ACSM3: variants seen among roughly 807,000 people sequenced by gnomAD.
ACSM3 encodes acyl-CoA synthetase medium chain family member 3, also known as acyl-coenzyme A synthetase ACSM3, mitochondrial.
ACSM3 carries 61 observed loss-of-function variants against 74.1 expected under a neutral mutation model. The observed-to-expected ratio is 0.82, with a 90% confidence interval of 0.67 to 1.02. The LOEUF (loss-of-function observed/expected upper bound fraction) is 1.02, where lower values mean the gene tolerates loss of function less well. Ranked by LOEUF, ACSM3 falls within the 50% of genes least tolerant of loss-of-function variation. ACSM3 has a pLI of 0.00. For synonymous variants in ACSM3, 213 were observed against 241.5 expected (o/e 0.88, Z 1.09); for missense variants, 660 against 697.0 (o/e 0.95, Z 0.60).
chr16:20,769,999 T>G lies in ACSM3; in HGVS notation c.-36T>G, dbSNP rs777877657. ...TGTCTTTTAGATGAACTGGTCTCTG[T>G]GCAAATCCTGAGTGCTAAAGCTTCC... On this transcript the variant is annotated 5_prime_UTR_variant, in exon 2 of 14. Coordinates refer to ENST00000289416, the MANE Select transcript of ACSM3 (RefSeq NM_005622.4). The G allele has an allele frequency of 1.2e-6, 2 of 1,603,872 alleles. No individual in the cohort carries two copies. The highest frequency in any genetic ancestry group is 1.7e-6 in the Non-Finnish European group (2 of 1,170,792).
chr16:20,737,585 A>G (rs1272621985), intron 1 of ACSM3: 4 of 1,005,016 alleles, frequency 4.0e-6, no homozygotes, highest in Non-Finnish European at 5.6e-6. Context: ...TATTTTAAGA[A>G]CATTTTAATA....
chr16:20,734,445 T>C (rs2079852112), intron 1 of ACSM3: 1 of 152,548 alleles, frequency 6.6e-6, no homozygotes, highest in Non-Finnish European at 1.5e-5. Flanking sequence ...CTGCCTATTC[T>C]CTTTGCCCCT....
chr16:20,790,457 A>T lies in ACSM3; in HGVS notation c.1225-130A>T. On this transcript the variant is annotated intron_variant, in intron 9 of 13. Transcript: ENST00000289416. This position sits in a 1 kb window ranked among gnomAD's most constrained non-coding sequence, Gnocchi z 4.0. ...GGGTGACAAAGTGAGACCTTGTCTC[A>T]CACACACAAAATTTTTTTTAAGTCT... The T allele has an allele frequency of 3.6e-6, 3 of 822,010 alleles. No individual in the cohort carries two copies. The highest frequency in any genetic ancestry group is 1.8e-5 in the South Asian group (1 of 56,814). 50.9% of individuals were successfully genotyped at this position (822,010 alleles called of 1,614,324 possible).
At chr16:20,794,729 T>C (rs1339159514) in intron 12 of ACSM3, among the ~76,000 whole-genome samples, 3 of 152,220 alleles carry the variant, frequency 2.0e-5, no homozygotes, top group African/African-American at 7.2e-5. Context: ...ACATCTATGC[T>C]AATTCATTTA....
intron 1 of ACSM3, among the ~76,000 whole-genome samples, chr16:20,678,011 AAAATAAATAAAT>A (rs146714630): frequency 3.5e-5 from 5 of 143,762 alleles, no homozygotes; most frequent in East Asian, 2.1e-4. Flanking sequence ...ACTAAAGGCT[AAAATAAATAAAT>A]AAATAAATAA....
chr16:20,789,691 T>C (rs1211986826), intron 9 of ACSM3: 11 of 623,080 alleles, frequency 1.8e-5, no homozygotes, highest in South Asian at 4.1e-5. Context: ...TTTCTTTTTT[T>C]TTTTTTTTTT....
Position 20,792,393 on chromosome 16 carries a change from C to A in ACSM3, c.1554+58C>A, listed in dbSNP as rs145354182. On this transcript the variant is annotated intron_variant, in intron 12 of 13. Transcript: ENST00000289416. Reference sequence around the variant, plus strand: ...TTGTTGGCAATTTAACACATACTTACAAACAGTAGCTCAGTGAAACAGAAT... The same window carrying A: ...TTGTTGGCAATTTAACACATACTTAAAAACAGTAGCTCAGTGAAACAGAAT... 203 of 1,598,092 alleles carry A rather than the reference C, an allele frequency of 1.3e-4. No homozygotes were observed. The African/African-American group carries it at 2.4e-3, about 19-fold the overall frequency.
At chr16:20,698,091 G>A (rs754272176) in intron 1 of ACSM3, among the ~76,000 whole-genome samples, 11 of 151,736 alleles carry the variant, frequency 7.2e-5, no homozygotes, top group Non-Finnish European at 1.6e-4. Flanking sequence ...CTACTCGGGA[G>A]GCTGAGGCAG....
At chr16:20,709,945 G>C (rs1198010276) in intron 1 of ACSM3, among the ~76,000 whole-genome samples, 1 of 152,192 alleles carries the variant, frequency 6.6e-6, no homozygotes, top group Non-Finnish European at 1.5e-5. Context: ...TTAATTTTAA[G>C]TGAGATGTCA....
intron 1 of ACSM3, among the ~76,000 whole-genome samples, chr16:20,683,356 G>C (rs948243261): frequency 6.6e-6 from 1 of 151,928 alleles, no homozygotes; most frequent in Non-Finnish European, 1.5e-5. Flanking sequence ...TTGGACTTCT[G>C]ACCACAAGTG....
chr16:20,735,675 GAA>G (rs1042235356), intron 1 of ACSM3: 1 of 151,984 alleles, frequency 6.6e-6, no homozygotes, highest in Non-Finnish European at 1.5e-5. Flanking sequence ...CCTAGCAATA[GAA>G]AAAGTTTTCT....
intron 9 of ACSM3, among the ~76,000 whole-genome samples, chr16:20,787,525 C>G (rs898614714): frequency 3.3e-5 from 5 of 152,186 alleles, no homozygotes. Context: ...GAGACCAATT[C>G]AATAGATTTG....
chr16:20,691,074 T>A (rs1264181319), intron 1 of ACSM3: 1 of 1,613,696 alleles, frequency 6.2e-7, no homozygotes, highest in Non-Finnish European at 8.5e-7. Flanking sequence ...TCATTCCATC[T>A]TGGGGCTCCA....
intron 1 of ACSM3, chr16:20,737,287 C>T: frequency 6.2e-7 from 1 of 1,601,514 alleles, no homozygotes; most frequent in Non-Finnish European, 8.5e-7. Context: ...CACACTATTC[C>T]TGTAACAAAA....
chr16:20,724,978 T>C (rs1337614938), intron 1 of ACSM3, among the ~76,000 whole-genome samples: 1 of 152,194 alleles, frequency 6.6e-6, no homozygotes, highest in Non-Finnish European at 1.5e-5. Context: ...ATAGATTCAA[T>C]GCCATCCCCA....
chr16:20,676,569 A>T (rs909792183), intron 1 of ACSM3, among the ~76,000 whole-genome samples: 21 of 152,174 alleles, frequency 1.4e-4, no homozygotes, highest in African/African-American at 5.1e-4. Context: ...CAGCTTATTA[A>T]AGTGGTTACA....
intron 1 of ACSM3, among the ~76,000 whole-genome samples, chr16:20,708,955 C>A (rs2079735307): frequency 1.3e-5 from 2 of 152,120 alleles, no homozygotes; most frequent in African/African-American, 2.4e-5. Flanking sequence ...AGAATAGAGC[C>A]CAGAAATAAA....
intron 1 of ACSM3, chr16:20,738,992 C>A: frequency 3.1e-6 from 5 of 1,614,194 alleles, no homozygotes; most frequent in Non-Finnish European, 4.2e-6. Flanking sequence ...CTTAATGTCA[C>A]CAACTTCTTT....
In ACSM3 at chr16:20,790,887, A is replaced by G; in HGVS notation, c.1326+199A>G. The stretch of plus-strand genomic sequence containing the variant: ...TGAAGAAAAGCATGCTGGTCCCCTG[A>G]GGCCAGATCACTGTTCCAGGTCCAC... On this transcript the variant is annotated intron_variant, in intron 10 of 13. Transcript: ENST00000289416. The surrounding 1 kb of genome is among the most constrained non-coding windows in gnomAD (Gnocchi z 4.0). The G allele has an allele frequency of 6.2e-7, 1 of 1,614,112 alleles. No individual in the cohort carries two copies. The highest frequency in any genetic ancestry group is 8.5e-7 in the Non-Finnish European group (1 of 1,179,982).
Sources: gnomAD v4.1 joint callset for allele counts (sites outside exome capture counted in the v4.1 genomes callset) on GRCh38, gnomAD v4.1.1 for gene constraint, Gnocchi (gnomAD v3.1) non-coding constraint, MANE v1.5 for transcripts, NCBI Gene and HGNC (gene_info 2026-07-23, HGNC 2026-07-21) for gene names.